The following SAMSN1 variants were observed in gnomAD, a reference collection of about 807,000 sequenced individuals.
The protein encoded by SAMSN1 is SAM domain, SH3 domain and nuclear localization signals 1.
SAMSN1 carries 31 observed loss-of-function variants against 42.0 expected under a neutral mutation model. The ratio of observed to expected loss-of-function variants is 0.74; its 90% confidence interval spans 0.55 to 1.00. The LOEUF (loss-of-function observed/expected upper bound fraction) is 1.00. Among genes scored for constraint, SAMSN1 ranks in the 50% least tolerant of loss-of-function variants. SAMSN1 has a pLI of 0.00. For missense variants in SAMSN1, 464 were observed against 439.4 expected (o/e 1.06, Z -0.50); for synonymous variants, 178 against 151.9 (o/e 1.17, Z -1.26).
intron 7 of SAMSN1, 54 bp from the exon 8 acceptor site, chr21:14,486,168 C>A: frequency 1.7e-6 from 2 of 1,186,558 alleles, no homozygotes; most frequent in South Asian, 1.3e-5. Flanking sequence ...AAATCTTATT[C>A]ATGTACTCAT....
At chr21:14,593,102 A>G (rs181463251) in intron 7 of SAMSN1, among the ~76,000 whole-genome samples, 2 of 152,300 alleles carry the variant, frequency 1.3e-5, no homozygotes, top group Non-Finnish European at 2.9e-5. Flanking sequence ...ACAAAAAAAT[A>G]CATATAGTTG....
intron 1 of SAMSN1, among the ~76,000 whole-genome samples, chr21:14,526,017 C>A (rs1164627632): frequency 6.6e-6 from 1 of 151,976 alleles, no homozygotes; most frequent in Non-Finnish European, 1.5e-5. Flanking sequence ...AGGCTTGCAC[C>A]CCCACGCCCA....
At chr21:14,495,780 G>A (rs1600859704) in intron 7 of SAMSN1, 1 of 152,198 alleles carries the variant, frequency 6.6e-6, no homozygotes, top group African/African-American at 2.4e-5. Flanking sequence ...ACATGTTTCT[G>A]ATAGATGTAA....
chr21:14,487,504 T>C (rs1454221280), intron 7 of SAMSN1, among the ~76,000 whole-genome samples: 3 of 152,200 alleles, frequency 2.0e-5, no homozygotes, highest in Non-Finnish European at 4.4e-5. Context: ...AATTAACTTC[T>C]CTTTAATGTT....
intron 2 of SAMSN1, among the ~76,000 whole-genome samples, chr21:14,637,356 T>A (rs1365395091): frequency 6.6e-6 from 1 of 152,216 alleles, no homozygotes; most frequent in Non-Finnish European, 1.5e-5. Flanking sequence ...ACTGATTACA[T>A]GTTGAAATGA....
chr21:14,563,050 A>T (rs1245642537), intron 2 of SAMSN1, among the ~76,000 whole-genome samples: 1 of 152,210 alleles, frequency 6.6e-6, no homozygotes, highest in African/African-American at 2.4e-5. Flanking sequence ...TTCCAACAAC[A>T]TAAATGCACA....
intron 2 of SAMSN1, among the ~76,000 whole-genome samples, chr21:14,620,599 C>G (rs1051392118): frequency 6.6e-6 from 1 of 152,158 alleles, no homozygotes; most frequent in Non-Finnish European, 1.5e-5. Flanking sequence ...TCATGTACCC[C>G]TCATTGTTTT....
At chr21:14,618,528 A>G (rs1427420478) in intron 2 of SAMSN1, among the ~76,000 whole-genome samples, 1 of 152,222 alleles carries the variant, frequency 6.6e-6, no homozygotes, top group Non-Finnish European at 1.5e-5. Context: ...ATGACTTTCA[A>G]TTCTGACTGC....
At chr21:14,630,089 C>T (rs1321116269) in intron 2 of SAMSN1, among the ~76,000 whole-genome samples, 2 of 152,050 alleles carry the variant, frequency 1.3e-5, no homozygotes, top group Admixed American at 1.3e-4. Flanking sequence ...ATAGGAAATC[C>T]GATGGGTAAA....
intron 1 of SAMSN1, among the ~76,000 whole-genome samples, chr21:14,529,781 G>A (rs1418961020): frequency 6.6e-6 from 1 of 152,116 alleles, no homozygotes; most frequent in Admixed American, 6.5e-5. Flanking sequence ...TGTCAACTTG[G>A]AAATCTGCAT....
intron 2 of SAMSN1, among the ~76,000 whole-genome samples, chr21:14,567,615 T>A (rs1981164293): frequency 6.6e-6 from 1 of 152,246 alleles, no homozygotes; most frequent in South Asian, 2.1e-4. Context: ...TTCCAGCTGA[T>A]CATAAAGACC....
exon 1 of SAMSN1, chr21:14,658,752 G>A (rs566865777): frequency 1.4e-4 from 101 of 715,388 alleles, no homozygotes; most frequent in African/African-American, 1.3e-3. Context: ...ACTTACCAGC[G>A]AAATGCAGAA....
intron 2 of SAMSN1, among the ~76,000 whole-genome samples, chr21:14,639,515 C>T (rs1156850272): frequency 6.6e-6 from 1 of 152,166 alleles, no homozygotes; most frequent in African/African-American, 2.4e-5. Flanking sequence ...CTTTCATGAT[C>T]TATTAATCTC....
chr21:14,562,186 G>T (rs1013611007), intron 2 of SAMSN1, among the ~76,000 whole-genome samples: 1 of 152,238 alleles, frequency 6.6e-6, no homozygotes, highest in Non-Finnish European at 1.5e-5. Flanking sequence ...GACACAGTTA[G>T]ATATGTGGTT....
intron 2 of SAMSN1, among the ~76,000 whole-genome samples, chr21:14,642,654 T>C (rs186180210): frequency 2.0e-5 from 3 of 152,214 alleles, no homozygotes; most frequent in Non-Finnish European, 2.9e-5. Context: ...TCTGTTTAAA[T>C]GCCAACTTTA....
At chr21:14,627,223 A>C (rs1316637012) in intron 2 of SAMSN1, among the ~76,000 whole-genome samples, 1 of 152,078 alleles carries the variant, frequency 6.6e-6, no homozygotes, top group Admixed American at 6.6e-5. Flanking sequence ...ACATGTATAC[A>C]TATGTAACAA....
chr21:14,616,079 C>A, intron 2 of SAMSN1: 1 of 477,306 alleles, frequency 2.1e-6, no homozygotes, highest in Non-Finnish European at 3.9e-6. Flanking sequence ...AAAACTATAT[C>A]AAGAGATCTG....
chr21:14,652,535 A>G (rs1194732434), intron 1 of SAMSN1, among the ~76,000 whole-genome samples: 3 of 152,160 alleles, frequency 2.0e-5, no homozygotes, highest in African/African-American at 7.2e-5. Context: ...ATATGTAAAT[A>G]AAATCAAAAT....
At chr21:14,582,041 T>C in intron 2 of SAMSN1, 3 of 1,215,478 alleles carry the variant, frequency 2.5e-6, no homozygotes, top group Non-Finnish European at 3.3e-6. Flanking sequence ...CTGAAACTGA[T>C]AAATTTCACT....
Sources: gnomAD v4.1 joint callset for allele counts (sites outside exome capture counted in the v4.1 genomes callset) on GRCh38, gnomAD v4.1.1 for gene constraint, MANE v1.5 for transcripts, NCBI Gene and HGNC (gene_info 2026-07-23, HGNC 2026-07-21) for gene names.